The following CCDC39 variants were observed in gnomAD, a reference collection of about 807,000 sequenced individuals.
CCDC39 encodes the protein coiled-coil domain 39 molecular ruler complex subunit.
In CCDC39, 113 loss-of-function variants were observed where a neutral mutation model predicts 121.0. The observed-to-expected ratio is 0.93, with a 90% CI of 0.80 to 1.09. CCDC39 has a LOEUF of 1.09. CCDC39 is among the 50% of genes least tolerant of loss of function. The pLI is 0.00. For synonymous variants in CCDC39, 349 were observed against 352.2 expected (o/e 0.99, Z 0.10); for missense variants, 1,063 against 1,074.7 (o/e 0.99, Z 0.15).
intron 1 of CCDC39, among the ~76,000 whole-genome samples, chr3:180,676,677 T>C (rs1712216464): frequency 6.8e-6 from 1 of 147,936 alleles, no homozygotes; most frequent in Non-Finnish European, 1.5e-5. Context: ...CATGCTGCTA[T>C]AGACACATGC....
At chr3:180,635,660 A>G (rs1034994843) in intron 13 of CCDC39, among the ~76,000 whole-genome samples, 1 of 152,172 alleles carries the variant, frequency 6.6e-6, no homozygotes, top group Non-Finnish European at 1.5e-5. Context: ...GCACACTGAT[A>G]CATGGGGTGG....
intron 13 of CCDC39, among the ~76,000 whole-genome samples, chr3:180,633,675 A>C (rs1041593219): frequency 2.6e-5 from 4 of 152,216 alleles, no homozygotes; most frequent in Non-Finnish European, 5.9e-5. Context: ...TCTAGTAAAA[A>C]TGAGCAACAA....
At chr3:180,621,530 G>C (rs1185740545) in intron 14 of CCDC39, among the ~76,000 whole-genome samples, 1 of 151,898 alleles carries the variant, frequency 6.6e-6, no homozygotes, top group Non-Finnish European at 1.5e-5. Context: ...TTGGCCATTT[G>C]TTTGTCTTCT....
At chr3:180,635,244 C>T (rs576305223) in intron 13 of CCDC39, among the ~76,000 whole-genome samples, 1 of 152,290 alleles carries the variant, frequency 6.6e-6, no homozygotes, top group African/African-American at 2.4e-5. Context: ...GTCCCTCCCT[C>T]GACATGAGAT....
intron 9 of CCDC39, among the ~76,000 whole-genome samples, chr3:180,648,717 T>A (rs1374420972): frequency 6.6e-6 from 1 of 152,210 alleles, no homozygotes; most frequent in African/African-American, 2.4e-5. Flanking sequence ...TTGAGGGTGC[T>A]ATGGGGAAGA....
chr3:180,619,442 C>T (rs747037838), intron 15 of CCDC39, 77 bp from the exon 16 acceptor site: 22 of 754,426 alleles, frequency 2.9e-5, no homozygotes, highest in Non-Finnish European at 4.3e-5. Context: ...ATGTAAATTG[C>T]ACCAATATTT....
intron 1 of CCDC39, among the ~76,000 whole-genome samples, chr3:180,677,939 T>C (rs1036423293): frequency 2.6e-5 from 4 of 152,182 alleles, no homozygotes; most frequent in African/African-American, 9.6e-5. Context: ...TTTAATGCAA[T>C]TGTGGTGCTC....
intron 14 of CCDC39, among the ~76,000 whole-genome samples, chr3:180,620,442 T>C (rs987647235): frequency 6.6e-6 from 1 of 151,982 alleles, no homozygotes; most frequent in African/African-American, 2.4e-5. Flanking sequence ...AAAAAGATCA[T>C]TGTAATAAGT....
chr3:180,652,047 AAAG>A, intron 8 of CCDC39, 113 bp downstream of exon 8: 2 of 647,754 alleles, frequency 3.1e-6, no homozygotes, highest in Non-Finnish European at 5.1e-6. Flanking sequence ...AAAAAAAAAA[AAAG>A]TAGTAGCTAA....
chr3:180,654,551 T>G (rs1383717230), intron 7 of CCDC39, among the ~76,000 whole-genome samples: 1 of 149,684 alleles, frequency 6.7e-6, no homozygotes, highest in African/African-American at 2.5e-5. Flanking sequence ...ACCTGTGATG[T>G]GAATGGCGCC....
At chr3:180,653,378 A>G (rs901775322) in intron 7 of CCDC39, among the ~76,000 whole-genome samples, 1 of 152,182 alleles carries the variant, frequency 6.6e-6, no homozygotes, top group Non-Finnish European at 1.5e-5. Flanking sequence ...AGGTAAAGTT[A>G]CTCATTTTAC....
intron 14 of CCDC39, among the ~76,000 whole-genome samples, chr3:180,623,554 T>C (rs1178007123): frequency 2.0e-5 from 3 of 152,274 alleles, no homozygotes; most frequent in Non-Finnish European, 2.9e-5. Flanking sequence ...AGGTTGTTAA[T>C]TGATGATCTT....
intron 1 of CCDC39, among the ~76,000 whole-genome samples, chr3:180,667,410 C>T (rs1560094393): frequency 6.6e-6 from 1 of 152,134 alleles, no homozygotes; most frequent in Non-Finnish European, 1.5e-5. Context: ...AGTCTATTAG[C>T]ATCATTTTTC....
intron 9 of CCDC39, among the ~76,000 whole-genome samples, chr3:180,649,131 A>G (rs568878797): frequency 6.6e-6 from 1 of 152,292 alleles, no homozygotes; most frequent in Non-Finnish European, 1.5e-5. Flanking sequence ...AAATTTAACT[A>G]TTGGCTCTTG....
At chr3:180,640,233 A>G (rs982984616) in intron 13 of CCDC39, among the ~76,000 whole-genome samples, 2 of 152,094 alleles carry the variant, frequency 1.3e-5, no homozygotes, top group Non-Finnish European at 2.9e-5. Flanking sequence ...ATATACCTCA[A>G]TAAAGTTTAA....
chr3:180,643,585 A>G (rs1441324974), intron 12 of CCDC39, among the ~76,000 whole-genome samples: 1 of 152,198 alleles, frequency 6.6e-6, no homozygotes, highest in Non-Finnish European at 1.5e-5. Flanking sequence ...CTTACATACT[A>G]CTGATAGGAG....
intron 6 of CCDC39, among the ~76,000 whole-genome samples, chr3:180,658,717 T>C (rs1017756944): frequency 2.6e-5 from 4 of 151,956 alleles, no homozygotes; most frequent in African/African-American, 7.3e-5. Context: ...AAATTGAAAA[T>C]ATAACAACCA....
chr3:180,651,805 A>C (rs892399164), intron 8 of CCDC39, among the ~76,000 whole-genome samples: 34 of 152,336 alleles, frequency 2.2e-4, no homozygotes, highest in Non-Finnish European at 4.6e-4. Context: ...TGGGAGGCCA[A>C]GGCGGGCAGA....
At chr3:180,641,544 AG>A (rs2108418597) in intron 13 of CCDC39, among the ~76,000 whole-genome samples, 1 of 152,292 alleles carries the variant, frequency 6.6e-6, no homozygotes, top group South Asian at 2.1e-4. Flanking sequence ...ATTGTTAAGC[AG>A]GGTTGCTGAA....
Sources: allele counts gnomAD v4.1 joint callset (sites outside exome capture counted in the v4.1 genomes callset), GRCh38; gene constraint gnomAD v4.1.1; transcripts MANE v1.5; gene names NCBI Gene and HGNC (gene_info 2026-07-23, HGNC 2026-07-21).